AUTS2: variants seen among roughly 807,000 people sequenced by gnomAD.
The protein encoded by AUTS2 is autism susceptibility gene 2 protein.
AUTS2 carries 17 observed loss-of-function variants against 112.4 expected under a neutral mutation model. The ratio of observed to expected loss-of-function variants is 0.15; its 90% CI spans 0.10 to 0.23. The LOEUF is 0.23. Ranked by LOEUF, AUTS2 falls within the 10% of genes least tolerant of loss-of-function variation. AUTS2 has a pLI of 1.00. For missense variants in AUTS2, 1,510 were observed against 1,701.6 expected, an observed-to-expected ratio of 0.89 and a Z score of 1.98; for synonymous variants, 751 against 702.7, an observed-to-expected ratio of 1.07 and a Z score of -1.09.
intron 2 of AUTS2, among the ~76,000 whole-genome samples, chr7:69,972,333 C>A (rs1206241998): frequency 2.6e-5 from 4 of 152,024 alleles, no homozygotes; most frequent in Non-Finnish European, 4.4e-5. Flanking sequence ...TTTCACAGTT[C>A]CTAATATTTT....
At chr7:69,796,580 A>G (rs369652190) in intron 1 of AUTS2, among the ~76,000 whole-genome samples, 1 of 152,042 alleles carries the variant, frequency 6.6e-6, no homozygotes, top group South Asian at 2.1e-4. Context: ...CCTGCCATGC[A>G]GTCTTTCCCA....
chr7:69,970,574 G>A (rs1797807905), intron 2 of AUTS2, among the ~76,000 whole-genome samples: 1 of 152,070 alleles, frequency 6.6e-6, no homozygotes, highest in Non-Finnish European at 1.5e-5. Context: ...TATTAGAGGA[G>A]CCTCCTAATC....
At chr7:69,931,026 T>C (rs1210188430) in intron 2 of AUTS2, among the ~76,000 whole-genome samples, 1 of 152,048 alleles carries the variant, frequency 6.6e-6, no homozygotes, top group African/African-American at 2.4e-5. Context: ...ATGAGTATAT[T>C]TGTTTAGATC....
At chr7:69,993,763 GTCTC>G (rs1798834053) in intron 2 of AUTS2, among the ~76,000 whole-genome samples, 1 of 151,862 alleles carries the variant, frequency 6.6e-6, no homozygotes, top group Non-Finnish European at 1.5e-5. Context: ...CTGTCTGTCT[GTCTC>G]TCTCCCTCTC....
At chr7:70,738,371 C>G (rs1162405801) in intron 6 of AUTS2, among the ~76,000 whole-genome samples, 8 of 150,298 alleles carry the variant, frequency 5.3e-5, no homozygotes, top group Non-Finnish European at 1.0e-4. Flanking sequence ...CTTAGATTAA[C>G]TAGCTTTTTT....
chr7:69,805,180 A>C (rs1790246675), intron 1 of AUTS2, among the ~76,000 whole-genome samples: 1 of 152,200 alleles, frequency 6.6e-6, no homozygotes, highest in South Asian at 2.1e-4. Context: ...CAGCCTTGAT[A>C]ACAGGAGATA....
At chr7:70,430,996 C>G (rs924444454) in intron 4 of AUTS2, among the ~76,000 whole-genome samples, 3 of 152,020 alleles carry the variant, frequency 2.0e-5, no homozygotes, top group African/African-American at 7.2e-5. Flanking sequence ...CCAGCACGCC[C>G]AGCTAATTTT....
intron 1 of AUTS2, among the ~76,000 whole-genome samples, chr7:69,717,426 T>A (rs1400533888): frequency 1.3e-5 from 2 of 152,162 alleles, no homozygotes; most frequent in African/African-American, 4.8e-5. Context: ...CCTTTGTGTT[T>A]GTGGCCCTGT....
At chr7:70,272,548 T>C (rs1787743964) in intron 4 of AUTS2, among the ~76,000 whole-genome samples, 1 of 152,200 alleles carries the variant, frequency 6.6e-6, no homozygotes, top group South Asian at 2.1e-4. Context: ...AACCTATTAC[T>C]GTTTAGTCTC....
At chr7:70,673,373 C>CT (rs61024543) in intron 5 of AUTS2, among the ~76,000 whole-genome samples, 54,452 of 146,098 alleles carry the variant, frequency 0.37, 10,132 homozygotes, top group Middle Eastern at 0.47. Flanking sequence ...TTTTTCTTTT[C>CT]TTTTTTTTTT....
intron 3 of AUTS2, 125 bp downstream of exon 3, chr7:70,118,358 A>G (rs1037066301): frequency 1.8e-6 from 2 of 1,138,446 alleles, no homozygotes; most frequent in African/African-American, 3.2e-5. Flanking sequence ...TGTCTACCCA[A>G]GCATTGCGGT....
intron 4 of AUTS2, among the ~76,000 whole-genome samples, chr7:70,319,157 AG>A (rs1401760757): frequency 6.6e-6 from 1 of 152,224 alleles, no homozygotes; most frequent in Admixed American, 6.5e-5. Flanking sequence ...GATATAATAA[AG>A]TGCAAAAAAA....
intron 2 of AUTS2, among the ~76,000 whole-genome samples, chr7:70,093,660 G>A (rs962128447): frequency 6.6e-6 from 1 of 152,220 alleles, no homozygotes; most frequent in African/African-American, 2.4e-5. Context: ...ATTTCACACT[G>A]AGTGAGTCAC....
At position 69,854,554 on chromosome 7, in the gene AUTS2, T is replaced by C. The variant is rs17140966; in HGVS notation, c.310-44732T>C. Among the ~76,000 whole-genome samples, 324 of 152,322 alleles carry C rather than the reference T, an allele frequency of 2.1e-3. 1 individual carries two copies. The highest frequency in any genetic ancestry group is 7.5e-3 in the African/African-American group (310 of 41,594). On this transcript the variant is annotated intron_variant, in intron 1 of 18. Coordinates refer to ENST00000342771, the MANE Select transcript of AUTS2 (RefSeq NM_015570.4). ...GTTTCTTTTAGTGCCATAGTGGTTT[T>C]ATCTGTCAGCGTGTCTGTGTGTTTC...
chr7:69,668,185 T>G lies in AUTS2; in HGVS notation c.309+68223T>G, dbSNP rs1796158228. On this transcript the variant is annotated intron_variant, in intron 1 of 18. Transcript: ENST00000342771. ...GTTGGGCTAGCTTGCTCTTGGTGAT[T>G]ATAGTTTGACTTATTTTGCTTTTAT... Among the ~76,000 whole-genome samples the G allele has an allele frequency of 2.0e-5, 3 of 152,232 alleles. No individual in the cohort carries two copies. The South Asian group carries it at 6.2e-4, about 32-fold the overall frequency.
chr7:70,012,835 T>C (rs971700153), intron 2 of AUTS2, among the ~76,000 whole-genome samples: 1 of 152,226 alleles, frequency 6.6e-6, no homozygotes, highest in Non-Finnish European at 1.5e-5. Context: ...GTATTTATAA[T>C]TTATTTCTCT....
chr7:69,903,276 T>A (rs1795037100), intron 2 of AUTS2, among the ~76,000 whole-genome samples: 1 of 152,164 alleles, frequency 6.6e-6, no homozygotes, highest in Non-Finnish European at 1.5e-5. Context: ...ATAAGCCAAA[T>A]TATAACTTCC....
chr7:69,976,825 A>G (rs1046560619), intron 2 of AUTS2, among the ~76,000 whole-genome samples: 13 of 152,036 alleles, frequency 8.6e-5, no homozygotes, highest in Non-Finnish European at 1.9e-4. Context: ...AGTTCTTTAC[A>G]TATTCTGGAT....
rs181324892 is a variant in AUTS2, at chr7:70,271,959, A to G, written c.660+137388A>G. Among the ~76,000 whole-genome samples the G allele has an allele frequency of 5.3e-5, 8 of 152,320 alleles. No homozygotes were observed. The East Asian group carries it at 1.5e-3, about 29-fold the overall frequency. On this transcript the variant is annotated intron_variant, in intron 4 of 18. Coordinates refer to ENST00000342771, the MANE Select transcript of AUTS2 (RefSeq NM_015570.4). ...GGATGTGTGCTGCATACAAAATGAG[A>G]CAAGGCCCAACGCCCTAATCTTTCA...
Sources: gnomAD v4.1 joint callset for allele counts (sites outside exome capture counted in the v4.1 genomes callset) on GRCh38, gnomAD v4.1.1 for gene constraint, MANE v1.5 for transcripts, NCBI Gene and HGNC (gene_info 2026-07-23, HGNC 2026-07-21) for gene names.